The following KRT75 variants were observed in gnomAD, a reference collection of about 807,000 sequenced individuals.
The protein encoded by KRT75 is keratin, type II cytoskeletal 75.
Under a neutral mutation model 48.8 loss-of-function variants are expected in KRT75, and 35 were observed. That is an observed-to-expected ratio of 0.72 (90% CI 0.55 to 0.95). The LOEUF (loss-of-function observed/expected upper bound fraction) is 0.95, where lower values mean the gene tolerates loss of function less well. Among genes scored for constraint, KRT75 ranks in the 40% least tolerant of loss-of-function variants. KRT75 has a pLI of 0.00. For synonymous variants in KRT75, 301 were observed against 282.3 expected (o/e 1.07, Z -0.66); for missense variants, 776 against 709.9 (o/e 1.09, Z -1.06).
intron 5 of KRT75, among the ~76,000 whole-genome samples, chr12:52,429,286 C>T (rs528302430): frequency 1.3e-5 from 2 of 152,258 alleles, no homozygotes; most frequent in East Asian, 3.9e-4. Flanking sequence ...CTCCAAACAC[C>T]AGTGCTGGGG....
chr12:52,431,957 C>G, intron 3 of KRT75, 49 bp downstream of exon 3: 1 of 1,589,230 alleles, frequency 6.3e-7, no homozygotes, highest in Non-Finnish European at 8.6e-7. Context: ...ACCCCACACT[C>G]CAGATTCCAT....
chr12:52,429,521 T>G (rs1418513914), intron 5 of KRT75, among the ~76,000 whole-genome samples: 1 of 151,722 alleles, frequency 6.6e-6, no homozygotes, highest in African/African-American at 2.4e-5. Context: ...CCTGCCAGAG[T>G]CAAGATCTGT....
In KRT75 at chr12:52,426,837, C is replaced by G; in HGVS notation, c.1397G>C (p.Gly466Ala). ...CTCACAAATGTTAACTGGAGAAACT[C>G]CCTCTCCACTCAACCTGATTGGGAA... ...EGEECRLSGE[G>A]VSPVNISVVT... Residue 466 changes from glycine (G) to alanine (A), a missense_variant, in exon 8 of 9, where the codon GGA becomes GCA. Transcript: ENST00000252245. The G allele has an allele frequency of 6.2e-7, 1 of 1,614,144 alleles. No individual in the cohort carries two copies. The highest frequency in any genetic ancestry group is 1.3e-5 in the African/African-American group (1 of 75,042).
At chr12:52,426,033 A>C (rs1940071999) in intron 8 of KRT75, among the ~76,000 whole-genome samples, 1 of 152,214 alleles carries the variant, frequency 6.6e-6, no homozygotes, top group African/African-American at 2.4e-5. Flanking sequence ...GGTGGTTCAG[A>C]GGGCTCTGCC....
At chr12:52,429,744 C>G (rs553324369) in intron 5 of KRT75, among the ~76,000 whole-genome samples, 1 of 152,326 alleles carries the variant, frequency 6.6e-6, no homozygotes, top group Admixed American at 6.5e-5. Context: ...TTCCACCACA[C>G]TCCTGACCAG....
Position 52,428,643 on chromosome 12 carries a change from GCT to G in KRT75, c.1134_1135del (p.Arg378SerfsTer2), listed in dbSNP as rs1357944633. ...CTGCTTCTTGACGCTGTCAATCTCA[GCT>G]CTCAGCCTCTGGATCATGCGGTTCA... is the stretch of plus-strand genomic sequence containing the variant. On this transcript the variant is annotated frameshift_variant, in exon 6 of 9. Coordinates refer to ENST00000252245, the MANE Select transcript of KRT75 (RefSeq NM_004693.3). LOFTEE classifies it high-confidence loss of function. The G allele has an allele frequency of 6.2e-7, 1 of 1,614,194 alleles. No homozygotes were observed. Among genetic ancestry groups the G allele is most frequent in the African/African-American group, 1.3e-5 (1 of 75,054 alleles).
rs764294873 is a variant in KRT75 at position 52,428,455 on chromosome 12, T to A, written c.1183A>T (p.Ile395Phe). Residue 395 changes from isoleucine (I) to phenylalanine (F), a missense_variant, in exon 7 of 9, where the codon ATT (isoleucine) becomes TTT (phenylalanine). Physicochemically the swap from Ile to Phe is conservative, Grantham distance 21. Coordinates refer to ENST00000252245, the MANE Select transcript of KRT75 (RefSeq NM_004693.3). ...TCTCCCCGCTGCTCTGCATCAGCAA[T>A]GGCCGTTTGCAAGCTGGAACACTGT... ...KKQCSSLQTA[I>F]ADAEQRGELA... 8.1e-6 allele frequency: 13 copies of A among 1,613,908 alleles called. No homozygotes were observed. The South Asian group carries it at 1.4e-4, about 18-fold the overall frequency.
chr12:52,430,802 G>T, intron 4 of KRT75, 97 bp from the exon 5 acceptor site: 4 of 1,349,154 alleles, frequency 3.0e-6, no homozygotes, highest in Admixed American at 1.7e-5. Flanking sequence ...CCTTTCCTTG[G>T]TATTCCTGGC....
intron 4 of KRT75, among the ~76,000 whole-genome samples, chr12:52,431,342 G>A (rs1035685781): frequency 2.0e-5 from 3 of 152,158 alleles, no homozygotes; most frequent in Non-Finnish European, 2.9e-5. Context: ...GAGTTCGGGG[G>A]AGAAGCATCA....
intron 1 of KRT75, 25 bp downstream of exon 1, chr12:52,433,782 G>A: frequency 6.2e-7 from 1 of 1,613,952 alleles, no homozygotes; most frequent in Middle Eastern, 1.7e-4. Context: ...CCAAACCCAA[G>A]GGGGTGGATG....
chr12:52,432,033 A>T lies in KRT75; in HGVS notation c.747T>A (p.Ala249=). The change falls in exon 3 of 9, where the codon GCT becomes GCA. Residue 249 remains alanine, a synonymous_variant. Transcript: ENST00000252245. ...YEDEINKRTA[A]ENEFVALKKD... ...TTTTCAGGGCTACAAATTCATTCTC[A>T]GCAGCTGTGCGCTTGTTAATTTCAT... 1 of 1,614,166 alleles carries T rather than the reference A, an allele frequency of 6.2e-7. No homozygotes were observed. Among genetic ancestry groups the T allele is most frequent in the Middle Eastern group, 1.6e-4 (1 of 6,062 alleles).
In KRT75 at chr12:52,434,078, C is replaced by T. The variant is rs1309930791; in HGVS notation, c.227G>A (p.Cys76Tyr). 2 of 1,614,194 alleles carry T rather than the reference C, an allele frequency of 1.2e-6. No homozygotes were observed. Among genetic ancestry groups the T allele is most frequent in the Non-Finnish European group, 1.7e-6 (2 of 1,180,044 alleles). ...AAAGCCACTTCGGCAGCTGCTGCCACACCCATTGATGGAGACCCGCTTGGC... is the reference window on the plus strand; with the variant it reads ...AAAGCCACTTCGGCAGCTGCTGCCATACCCATTGATGGAGACCCGCTTGGC... Reference protein sequence around the residue: ...GGAKRVSINGCGSSCRSGFGG... With the variant: ...GGAKRVSINGYGSSCRSGFGG... Residue 76 changes from cysteine to tyrosine, a missense_variant, in exon 1 of 9, where the codon TGT (cysteine) becomes TAT (tyrosine). Cys to Tyr is a radical substitution (Grantham distance 194, BLOSUM62 -2). Transcript: ENST00000252245.
rs753508840 is a variant in KRT75, at chr12:52,432,085, G to A, written c.714-19C>T. 1.2e-5 allele frequency: 19 copies of A among 1,613,772 alleles called. No homozygotes were observed. The South Asian group carries it at 1.9e-4, about 16-fold the overall frequency. On this transcript the variant is annotated intron_variant, in intron 2 of 8. Coordinates refer to ENST00000252245, the MANE Select transcript of KRT75 (RefSeq NM_004693.3). ...TTCGTACCTATAAGGACAGAGCGGG[G>A]GGTGTGCTGTTGAGCAAGTCTGCAT...
At position 52,433,885 on chromosome 12, in the gene KRT75, G is replaced by C; in HGVS notation, c.420C>G (p.Pro140=). Residue 140 remains proline (P), a synonymous_variant, in exon 1 of 9, where the codon CCC becomes CCG. Transcript: ENST00000252245. ...LLTPLHLQID[P]TIQRVRAEER... Reference sequence around the variant, plus strand: ...CCTCGGCCCGCACCCGCTGGATGGTGGGGTCGATTTGCAGGTGAAGAGGAG... The same window carrying C: ...CCTCGGCCCGCACCCGCTGGATGGTCGGGTCGATTTGCAGGTGAAGAGGAG... The C allele has an allele frequency of 6.2e-7, 1 of 1,614,174 alleles. No individual in the cohort carries two copies.
At chr12:52,426,718 G>T in intron 8 of KRT75, 99 bp downstream of exon 8, 1 of 1,231,266 alleles carries the variant, frequency 8.1e-7, no homozygotes. Context: ...GTGAGATCCC[G>T]TCTAACCCGT....
At chr12:52,431,372 T>A (rs1424710676) in intron 4 of KRT75, among the ~76,000 whole-genome samples, 171 bp downstream of exon 4, 1 of 152,126 alleles carries the variant, frequency 6.6e-6, no homozygotes, top group African/African-American at 2.4e-5. Context: ...TAGTTTAGTA[T>A]GACAAGGCTC....
At chr12:52,426,196 C>T (rs939817612) in intron 8 of KRT75, among the ~76,000 whole-genome samples, 1 of 152,234 alleles carries the variant, frequency 6.6e-6, no homozygotes, top group Non-Finnish European at 1.5e-5. Flanking sequence ...CACTTCTTCT[C>T]TCACCAGCAC....
In KRT75 at chr12:52,434,158, C is replaced by T; in HGVS notation, c.147G>A (p.Arg49=). 1 of 1,613,512 alleles carries T rather than the reference C, an allele frequency of 6.2e-7. No homozygotes were observed. Among genetic ancestry groups the T allele is most frequent in the Admixed American group, 1.7e-5 (1 of 60,012 alleles). Residue 49 remains arginine, a synonymous_variant, in exon 1 of 9, where the codon AGG becomes AGA. Coordinates refer to ENST00000252245, the MANE Select transcript of KRT75 (RefSeq NM_004693.3). ...CAAAGCTGGCCCCAGCACTGCTGAT[C>T]CTTCCCAGGCCCCCACTCCCTGCTG... The part of the protein sequence containing the change: ...RSAAGSGGLG[R]ISSAGASFGS...
rs751233083 is a variant in KRT75, at chr12:52,430,572, C to T, written c.1004G>A (p.Arg335Gln). The T allele has an allele frequency of 5.6e-6, 9 of 1,614,094 alleles. No individual in the cohort carries two copies. The highest frequency in any genetic ancestry group is 1.6e-4 in the Middle Eastern group (1 of 6,062). ...CTGGTACCAGGACTCAGCCTCGGCC[C>T]GGCTGCGGTTGGCAATGTCCTCGTA... ...AQYEDIANRS[R>Q]AEAESWYQTK... The change falls in exon 5 of 9, where the codon CGG (arginine) becomes CAG (glutamine). Residue 335 changes from arginine (R) to glutamine (Q), a missense_variant. Physicochemically the swap from Arg to Gln is conservative, Grantham distance 43. Transcript: ENST00000252245.
Sources: allele counts gnomAD v4.1 joint callset (sites outside exome capture counted in the v4.1 genomes callset), GRCh38; gene constraint gnomAD v4.1.1; transcripts MANE v1.5; gene names NCBI Gene and HGNC (gene_info 2026-07-23, HGNC 2026-07-21).